Variants in CDK5RAP2 observed in about 807,000 individuals in gnomAD.
CDK5RAP2 encodes CDK5 regulatory subunit-associated protein 2.
CDK5RAP2 carries 147 observed loss-of-function variants against 232.9 expected under a neutral mutation model. The ratio of observed to expected loss-of-function variants is 0.63; its 90% confidence interval spans 0.55 to 0.72. The LOEUF is 0.72. Ranked by LOEUF, CDK5RAP2 falls within the 30% of genes least tolerant of loss-of-function variation. CDK5RAP2 has a pLI of 0.00. For missense variants in CDK5RAP2, 2,195 were observed against 2,231.5 expected, an observed-to-expected ratio of 0.98 and a Z score of 0.33; for synonymous variants, 833 against 833.7, an observed-to-expected ratio of 1.00 and a Z score of 0.01.
At chr9:120,490,658 T>A (rs2038856092) in intron 13 of CDK5RAP2, among the ~76,000 whole-genome samples, 1 of 152,120 alleles carries the variant, frequency 6.6e-6, no homozygotes, top group Non-Finnish European at 1.5e-5. Flanking sequence ...TTAGCCAAAT[T>A]TTTTTTTCTT....
intron 3 of CDK5RAP2, among the ~76,000 whole-genome samples, chr9:120,564,315 C>G (rs190733330): frequency 6.6e-6 from 1 of 151,750 alleles, no homozygotes; most frequent in East Asian, 1.9e-4. Context: ...AAAGTGAAAC[C>G]CCACCTGTAC....
rs748753937 is a variant in CDK5RAP2, at chr9:120,403,318, G to A, written c.5042-247C>T. 200 of 513,568 alleles carry A rather than the reference G, an allele frequency of 3.9e-4. No homozygotes were observed. Among genetic ancestry groups the A allele is most frequent in the Non-Finnish European group, 6.1e-4 (172 of 283,466 alleles). The allele number at this position is 513,568 out of a possible 1,614,324, so 31.8% of individuals were successfully genotyped here. A position where few individuals can be genotyped will look rare whatever the true frequency, so the allele number is the denominator to read the frequency against. On this transcript the variant is annotated intron_variant, in intron 33 of 37. Transcript: ENST00000349780. The surrounding 1 kb of genome is among the most constrained non-coding windows in gnomAD (Gnocchi z 4.2). ...ACCAACACTTATCAACCACCCACTC[G>A]GCAGAAGACCCCAGATTCACAAGGA... is the stretch of plus-strand genomic sequence containing the variant.
At chr9:120,494,421 T>C (rs902095357) in intron 12 of CDK5RAP2, among the ~76,000 whole-genome samples, 40 of 152,210 alleles carry the variant, frequency 2.6e-4, no homozygotes, top group Non-Finnish European at 3.2e-4. Flanking sequence ...GGAGATCTTG[T>C]GCTCCTAGAA....
intron 27 of CDK5RAP2, among the ~76,000 whole-genome samples, chr9:120,417,184 C>A (rs1399068994): frequency 1.3e-5 from 2 of 151,610 alleles, no homozygotes; most frequent in African/African-American, 2.4e-5. Context: ...AAACTGCTGG[C>A]GCCCACGGCA....
At chr9:120,543,460 C>A (rs1375201499) in intron 5 of CDK5RAP2, among the ~76,000 whole-genome samples, 2 of 152,218 alleles carry the variant, frequency 1.3e-5, no homozygotes, top group African/African-American at 4.8e-5. Context: ...TGAACAGTTT[C>A]TCTACCCATT....
chr9:120,438,161 T>C (rs1053602912), intron 24 of CDK5RAP2, among the ~76,000 whole-genome samples: 3 of 152,246 alleles, frequency 2.0e-5, no homozygotes, highest in East Asian at 3.8e-4. Flanking sequence ...AAGATCATTA[T>C]GCAATATTAC....
Position 120,458,538 on chromosome 9 carries a change from G to A in CDK5RAP2, c.2287C>T (p.His763Tyr). 1 of 1,614,066 alleles carries A rather than the reference G, an allele frequency of 6.2e-7. No individual in the cohort carries two copies. The highest frequency in any genetic ancestry group is 8.5e-7 in the Non-Finnish European group (1 of 1,179,936). Residue 763 changes from histidine (H) to tyrosine (Y), a missense_variant, in exon 20 of 38, where the codon CAC becomes TAC. Transcript: ENST00000349780. ...ESKISDCDGA[H>Y]APGCLEEGAF... ...CCTTCTTCTAGGCAGCCAGGTGCGT[G>A]GGCCCCATCACAATCTGAAATCTTA...
intron 12 of CDK5RAP2, among the ~76,000 whole-genome samples, chr9:120,498,123 C>A (rs139924961): frequency 6.6e-6 from 1 of 152,302 alleles, no homozygotes; most frequent in Non-Finnish European, 1.5e-5. Context: ...AGCTGTGGAT[C>A]ACGTGCTTGC....
At chr9:120,472,276 C>G (rs2037753264) in intron 15 of CDK5RAP2, among the ~76,000 whole-genome samples, 1 of 152,110 alleles carries the variant, frequency 6.6e-6, no homozygotes, top group Non-Finnish European at 1.5e-5. Context: ...TTAACTCATC[C>G]CCTATTAGTG....
At chr9:120,570,433 T>C (rs1457389689) in intron 2 of CDK5RAP2, among the ~76,000 whole-genome samples, 1 of 152,186 alleles carries the variant, frequency 6.6e-6, no homozygotes, top group South Asian at 2.1e-4. Flanking sequence ...ACCATACAAA[T>C]TCTCATAAGG....
chr9:120,439,930 G>A lies in CDK5RAP2; in HGVS notation c.3191C>T (p.Ser1064Leu). 1 of 1,614,152 alleles carries A rather than the reference G, an allele frequency of 6.2e-7. No homozygotes were observed. The highest frequency in any genetic ancestry group is 1.1e-5 in the South Asian group (1 of 91,078). The stretch of plus-strand genomic sequence containing the variant: ...AACATCTTCAGGATTTTCTTTGCAT[G>A]ATGGCAAGCTGGCAAGGTCATCAGG... ...CPPDDLASLP[S>L]CKENPEDVLS... The change falls in exon 24 of 38, where the codon TCA becomes TTA. Residue 1064 changes from serine (S) to leucine (L), a missense_variant. Coordinates refer to ENST00000349780, the MANE Select transcript of CDK5RAP2 (RefSeq NM_018249.6).
chr9:120,576,489 G>T (rs552438907), intron 1 of CDK5RAP2, among the ~76,000 whole-genome samples: 60 of 152,242 alleles, frequency 3.9e-4, no homozygotes, highest in African/African-American at 1.4e-3. Flanking sequence ...ATCACCTGAG[G>T]TCAAGAGTTC....
At chr9:120,415,527 G>C (rs905238163) in intron 27 of CDK5RAP2, among the ~76,000 whole-genome samples, 9 of 152,172 alleles carry the variant, frequency 5.9e-5, no homozygotes, top group Non-Finnish European at 1.3e-4. Flanking sequence ...TGAATTGCCT[G>C]AGAGTTGATT....
At chr9:120,444,676 CT>C (rs1347666942) in intron 22 of CDK5RAP2, among the ~76,000 whole-genome samples, 2 of 152,170 alleles carry the variant, frequency 1.3e-5, no homozygotes, top group African/African-American at 2.4e-5. Flanking sequence ...TGGAACATAC[CT>C]TTGGCTATGG....
At chr9:120,506,395 G>A (rs2039813971) in intron 12 of CDK5RAP2, among the ~76,000 whole-genome samples, 1 of 152,232 alleles carries the variant, frequency 6.6e-6, no homozygotes. Context: ...TGTACAAGAA[G>A]ATGAATGTTG....
chr9:120,480,239 C>A (rs1000602006), intron 14 of CDK5RAP2, among the ~76,000 whole-genome samples: 5 of 152,130 alleles, frequency 3.3e-5, no homozygotes, highest in African/African-American at 1.2e-4. Flanking sequence ...CTAAGACATA[C>A]CACCTACGAC....
chr9:120,402,720 G>C, intron 34 of CDK5RAP2, 86 bp downstream of exon 34: 2 of 1,497,904 alleles, frequency 1.3e-6, no homozygotes, highest in East Asian at 4.5e-5. Flanking sequence ...TCCTAATGAG[G>C]ACAACTGCGC....
chr9:120,414,970 T>C, intron 28 of CDK5RAP2, 70 bp downstream of exon 28: 2 of 1,572,728 alleles, frequency 1.3e-6, no homozygotes, highest in Non-Finnish European at 1.8e-6. Context: ...CACAGATGCT[T>C]ACTCAGGCAA....
At chr9:120,418,709 G>A (rs1184164115) in intron 27 of CDK5RAP2, among the ~76,000 whole-genome samples, 1 of 152,178 alleles carries the variant, frequency 6.6e-6, no homozygotes, top group African/African-American at 2.4e-5. Flanking sequence ...AGAAACTAGG[G>A]CTAGATAACG....
Sources: allele counts gnomAD v4.1 joint callset (sites outside exome capture counted in the v4.1 genomes callset), GRCh38; gene constraint gnomAD v4.1.1; non-coding constraint Gnocchi (gnomAD v3.1); transcripts MANE v1.5; gene names NCBI Gene and HGNC (gene_info 2026-07-23, HGNC 2026-07-21).